MAST4: variants seen among roughly 807,000 people sequenced by gnomAD.
MAST4 encodes the protein microtubule-associated serine/threonine-protein kinase 4.
Under a neutral mutation model 162.7 loss-of-function variants are expected in MAST4, and 89 were observed. The observed-to-expected ratio is 0.55, with a 90% CI of 0.46 to 0.65. The LOEUF (loss-of-function observed/expected upper bound fraction) is 0.65, where lower values mean the gene tolerates loss of function less well. MAST4 is among the 30% of genes least tolerant of loss of function. The pLI, the probability that MAST4 is intolerant of heterozygous loss-of-function variation, is 0.00. For missense variants in MAST4, 3,153 were observed against 3,374.0 expected (o/e 0.93, Z 1.62); for synonymous variants, 1,479 against 1,361.1 (o/e 1.09, Z -1.91).
chr5:67,150,127 G>A (rs185773170), intron 24 of MAST4, among the ~76,000 whole-genome samples: 3 of 152,270 alleles, frequency 2.0e-5, no homozygotes, highest in African/African-American at 7.2e-5. Flanking sequence ...TCCTCCTACT[G>A]GTAGCAAATC....
intron 3 of MAST4, among the ~76,000 whole-genome samples, chr5:66,845,322 A>G (rs1234580070): frequency 1.3e-5 from 2 of 151,316 alleles, no homozygotes; most frequent in Non-Finnish European, 2.9e-5. Flanking sequence ...CCTGTGTCCA[A>G]GTGTTCTCAT....
In MAST4 at chr5:67,131,819, A is replaced by T; in HGVS notation, c.1961A>T (p.Asp654Val). The part of the protein sequence containing the change: ...CMVMEYVEGG[D>V]CATLMKNMGP... Reference sequence around the variant, plus strand: ...TCTTTTTCCTGTGTTACAGGGGGAGACTGTGCTACTTTAATGAAAAACATG... The same window carrying T: ...TCTTTTTCCTGTGTTACAGGGGGAGTCTGTGCTACTTTAATGAAAAACATG... Residue 654 changes from aspartate (D) to valine (V), a missense_variant, in exon 16 of 29, where the codon GAC (aspartate) becomes GTC (valine). Asp to Val is a radical substitution (Grantham distance 152, BLOSUM62 -3). Coordinates refer to ENST00000403625, the MANE Select transcript of MAST4 (RefSeq NM_001164664.2). The T allele has an allele frequency of 2.5e-6, 4 of 1,612,734 alleles. No individual in the cohort carries two copies. The highest frequency in any genetic ancestry group is 3.4e-6 in the Non-Finnish European group (4 of 1,179,096).
In MAST4 at chr5:67,166,083, G is replaced by A. The variant is rs1277660300; in HGVS notation, c.6904G>A (p.Val2302Met). ...GRPLEVLEKPVHLPRPGHPGP... is the reference protein window; with the variant it reads ...GRPLEVLEKPMHLPRPGHPGP... ...GCCCCTGGAGGTGCTGGAGAAGCCTGTGCATTTGCCAAGGCCGGGACACCC... is the reference window on the plus strand; with the variant it reads ...GCCCCTGGAGGTGCTGGAGAAGCCTATGCATTTGCCAAGGCCGGGACACCC... Residue 2302 changes from valine (V) to methionine (M), a missense_variant, in exon 29 of 29, where the codon GTG becomes ATG. Physicochemically the swap from Val to Met is conservative, Grantham distance 21. Coordinates refer to ENST00000403625, the MANE Select transcript of MAST4 (RefSeq NM_001164664.2). 1.2e-6 allele frequency: 2 copies of A among 1,613,382 alleles called. No homozygotes were observed. Among genetic ancestry groups the A allele is most frequent in the Non-Finnish European group, 8.5e-7 (1 of 1,179,626 alleles).
intron 2 of MAST4, among the ~76,000 whole-genome samples, chr5:66,771,900 G>A (rs753399174): frequency 6.6e-6 from 1 of 151,976 alleles, no homozygotes; most frequent in Non-Finnish European, 1.5e-5. Context: ...ATAGACTGTG[G>A]CCCAGGCACA....
chr5:66,901,782 G>A (rs1002716521), intron 4 of MAST4, among the ~76,000 whole-genome samples: 1 of 152,030 alleles, frequency 6.6e-6, no homozygotes, highest in Non-Finnish European at 1.5e-5. Flanking sequence ...TTTCTATTAA[G>A]CACAAATATT....
intron 4 of MAST4, among the ~76,000 whole-genome samples, chr5:67,002,528 T>C (rs572923462): frequency 3.9e-5 from 6 of 152,356 alleles, no homozygotes; most frequent in South Asian, 2.1e-4. Flanking sequence ...AGCAGCCTGG[T>C]TGAAGACTCT....
At chr5:66,645,749 A>G (rs1473503191) in intron 1 of MAST4, among the ~76,000 whole-genome samples, 1 of 152,170 alleles carries the variant, frequency 6.6e-6, no homozygotes, top group Non-Finnish European at 1.5e-5. Context: ...GTTTAAAGTT[A>G]TGTGCTTTTA....
chr5:67,072,704 A>G (rs763653460), intron 5 of MAST4, among the ~76,000 whole-genome samples: 1 of 152,226 alleles, frequency 6.6e-6, no homozygotes, highest in Non-Finnish European at 1.5e-5. Flanking sequence ...ATGCTGTTGT[A>G]TATTACCAAC....
At chr5:66,758,057 G>GTT (rs78524500) in intron 1 of MAST4, among the ~76,000 whole-genome samples, 14 of 143,320 alleles carry the variant, frequency 9.8e-5, no homozygotes, top group South Asian at 4.5e-4. Context: ...GAAAGGGTGT[G>GTT]TTTTTTTTTT....
At position 67,165,712 on chromosome 5, in the gene MAST4, A is replaced by G; in HGVS notation, c.6533A>G (p.Asp2178Gly). Residue 2178 changes from aspartate (D) to glycine (G), a missense_variant, in exon 29 of 29, where the codon GAC (aspartate) becomes GGC (glycine). Asp to Gly is a moderately conservative substitution (Grantham distance 94). Transcript: ENST00000403625. Reference protein sequence around the residue: ...STAEPSSSPQDPPKPVAAHSE... With the variant: ...STAEPSSSPQGPPKPVAAHSE... The stretch of plus-strand genomic sequence containing the variant: ...GCAGAGCCCAGCTCGAGCCCCCAGG[A>G]CCCTCCCAAGCCTGTTGCTGCGCAC... 1 of 1,574,818 alleles carries G rather than the reference A, an allele frequency of 6.3e-7. No homozygotes were observed. The highest frequency in any genetic ancestry group is 8.6e-7 in the Non-Finnish European group (1 of 1,161,814).
intron 9 of MAST4, 114 bp from the exon 10 acceptor site, chr5:67,104,252 C>A: frequency 2.6e-6 from 2 of 765,956 alleles, no homozygotes; most frequent in Non-Finnish European, 4.5e-6. Context: ...TTTCTAGAAT[C>A]CCATTTAACA....
At chr5:66,674,600 C>G (rs1747832431) in intron 1 of MAST4, among the ~76,000 whole-genome samples, 1 of 152,148 alleles carries the variant, frequency 6.6e-6, no homozygotes, top group Non-Finnish European at 1.5e-5. Flanking sequence ...CAGAGTCTCT[C>G]TTTTGGATGA....
intron 1 of MAST4, among the ~76,000 whole-genome samples, chr5:66,652,323 AATC>A (rs2149449306): frequency 6.6e-6 from 1 of 152,294 alleles, no homozygotes; most frequent in African/African-American, 2.4e-5. Context: ...TGTTCATTGT[AATC>A]ATATCACCCT....
rs1324327453 is a variant in MAST4, at chr5:66,907,585, TGC to T, written c.674+7605_674+7606del. Among the ~76,000 whole-genome samples the T allele has an allele frequency of 1.7e-3, 73 of 43,536 alleles. 2 individuals carry two copies. The South Asian group carries it at 0.025, about 15-fold the overall frequency. The allele number at this position is 43,536 out of a possible 152,430, so 28.6% of individuals were successfully genotyped here. On this transcript the variant is annotated intron_variant, in intron 4 of 28. Coordinates refer to ENST00000403625, the MANE Select transcript of MAST4 (RefSeq NM_001164664.2). Reference sequence around the variant, plus strand: ...ATATAATGAAATGGGCATAGGTTGATGCGTGTGTGTGTGTGTGTGTGTGTGTG... The same window carrying T: ...ATATAATGAAATGGGCATAGGTTGATGTGTGTGTGTGTGTGTGTGTGTGTG...
rs139010516 is a variant in MAST4 at position 66,803,229 on chromosome 5, C to G, written c.642+14435C>G. 3.6e-3 allele frequency among the ~76,000 whole-genome samples: 551 copies of G among 152,244 alleles called. 6 individuals carry two copies. The highest frequency in any genetic ancestry group is 0.013 in the African/African-American group (523 of 41,546). ...ATATACATGAGTCTGTTTCTGGGCT[C>G]CATTTTGTAGTCGGTCAATCCATCT... On this transcript the variant is annotated intron_variant, in intron 3 of 28. Coordinates refer to ENST00000403625, the MANE Select transcript of MAST4 (RefSeq NM_001164664.2).
chr5:66,611,685 G>A (rs1170831696), intron 1 of MAST4, among the ~76,000 whole-genome samples: 1 of 152,238 alleles, frequency 6.6e-6, no homozygotes, highest in African/African-American at 2.4e-5. Context: ...AGAGGTGTAA[G>A]CCATTGCTGG....
At chr5:67,107,127 C>T (rs1173948583) in intron 10 of MAST4, among the ~76,000 whole-genome samples, 1 of 152,208 alleles carries the variant, frequency 6.6e-6, no homozygotes, top group Non-Finnish European at 1.5e-5. Context: ...ACTCCTAATT[C>T]TGCAATTCTG....
chr5:66,596,617 C>G lies in MAST4; in HGVS notation c.-39C>G. 1.4e-6 allele frequency: 2 copies of G among 1,395,572 alleles called. No homozygotes were observed. Among genetic ancestry groups the G allele is most frequent in the Non-Finnish European group, 1.9e-6 (2 of 1,077,938 alleles). The allele number at this position is 1,395,572 out of a possible 1,614,324, so 86.4% of individuals were successfully genotyped here. A position where few individuals can be genotyped will look rare whatever the true frequency, so the allele number is the denominator to read the frequency against. ...CGGGAGGCGCTGAGTGCGCGCCGCG[C>G]CCCCGCCGCTCGGGAGGCACTTTGG... On this transcript the variant is annotated 5_prime_UTR_variant, in exon 1 of 29. Coordinates refer to ENST00000403625, the MANE Select transcript of MAST4 (RefSeq NM_001164664.2).
intron 2 of MAST4, among the ~76,000 whole-genome samples, chr5:66,781,022 A>G (rs1442220689): frequency 6.6e-6 from 1 of 152,180 alleles, no homozygotes; most frequent in Non-Finnish European, 1.5e-5. Flanking sequence ...AGGTTCCTCC[A>G]TGTTGTAACA....
Sources: allele counts gnomAD v4.1 joint callset (sites outside exome capture counted in the v4.1 genomes callset), GRCh38; gene constraint gnomAD v4.1.1; transcripts MANE v1.5; gene names NCBI Gene and HGNC (gene_info 2026-07-23, HGNC 2026-07-21).